Variants in LRMDA observed in about 807,000 individuals in gnomAD.
The protein encoded by LRMDA is leucine rich melanocyte differentiation associated, also known as leucine-rich melanocyte differentiation-associated protein.
In LRMDA, 18 loss-of-function variants were observed where a neutral mutation model predicts 29.8. That is an observed-to-expected ratio of 0.60 (90% CI 0.42 to 0.90). The LOEUF is 0.90. Ranked by LOEUF, LRMDA falls within the 40% of genes least tolerant of loss-of-function variation. LRMDA has a pLI of 0.00. For synonymous variants in LRMDA, 125 were observed against 109.4 expected (o/e 1.14, Z -0.89); for missense variants, 273 against 273.9 (o/e 1.00, Z 0.02).
chr10:75,723,347 AAG>A (rs1331984287), intron 2 of LRMDA, among the ~76,000 whole-genome samples: 1 of 152,264 alleles, frequency 6.6e-6, no homozygotes, highest in African/African-American at 2.4e-5. Flanking sequence ...GTGATGAACC[AAG>A]AAAGTAGACA....
At chr10:75,959,372 G>A (rs1056182015) in intron 2 of LRMDA, among the ~76,000 whole-genome samples, 1 of 152,162 alleles carries the variant, frequency 6.6e-6, no homozygotes, top group African/African-American at 2.4e-5. Context: ...ATGTGTGAAA[G>A]CTTGGAGCCT....
At chr10:76,284,885 G>A (rs951431970) in intron 5 of LRMDA, among the ~76,000 whole-genome samples, 1 of 152,112 alleles carries the variant, frequency 6.6e-6, no homozygotes, top group African/African-American at 2.4e-5. Context: ...ACATGCCTTT[G>A]CTCCTCCTTC....
chr10:75,770,993 G>A (rs17349122), intron 2 of LRMDA, among the ~76,000 whole-genome samples: 9,111 of 152,204 alleles, frequency 0.06, 354 homozygotes, highest in Non-Finnish European at 0.09. Context: ...AGACGTGTCC[G>A]TGGGGAGGTA....
chr10:76,171,043 G>A (rs1850826154), intron 5 of LRMDA, among the ~76,000 whole-genome samples: 1 of 152,312 alleles, frequency 6.6e-6, no homozygotes, highest in East Asian at 1.9e-4. Context: ...ATAGATGGAT[G>A]TGCATTGCTT....
At chr10:75,781,952 G>A (rs535138716) in intron 2 of LRMDA, among the ~76,000 whole-genome samples, 2 of 152,322 alleles carry the variant, frequency 1.3e-5, no homozygotes, top group African/African-American at 4.8e-5. Context: ...ATGGGGAGAA[G>A]GTTCTGGCTG....
intron 2 of LRMDA, among the ~76,000 whole-genome samples, chr10:75,565,803 A>G (rs1840364889): frequency 6.6e-6 from 1 of 152,226 alleles, no homozygotes; most frequent in Non-Finnish European, 1.5e-5. Flanking sequence ...GGCTGGGCAC[A>G]ATGGCTCATG....
intron 2 of LRMDA, among the ~76,000 whole-genome samples, chr10:75,821,771 AAAAC>A (rs71024572): frequency 1.3e-3 from 200 of 149,354 alleles, no homozygotes; most frequent in African/African-American, 4.3e-3. Flanking sequence ...TCCATCTCAA[AAAAC>A]AAACAAACAA....
chr10:76,473,280 T>TA (rs933654748), intron 6 of LRMDA, among the ~76,000 whole-genome samples: 10 of 149,488 alleles, frequency 6.7e-5, no homozygotes, highest in African/African-American at 2.0e-4. Context: ...TCCACACCAT[T>TA]AAAAAAAAAG....
chr10:75,703,962 A>G (rs1001306935), intron 2 of LRMDA, among the ~76,000 whole-genome samples: 1 of 152,230 alleles, frequency 6.6e-6, no homozygotes, highest in Non-Finnish European at 1.5e-5. Context: ...GAGGAATTTC[A>G]GAGAGCCAAG....
chr10:76,427,994 G>A (rs1231667615), intron 6 of LRMDA, among the ~76,000 whole-genome samples: 1 of 152,124 alleles, frequency 6.6e-6, no homozygotes, highest in Non-Finnish European at 1.5e-5. Context: ...TGTGCTCCTG[G>A]ATTCGGTTTG....
chr10:75,618,417 T>C lies in LRMDA; in HGVS notation c.131+179923T>C, dbSNP rs550957283. Among the ~76,000 whole-genome samples, 3 of 146,316 alleles carry C rather than the reference T, an allele frequency of 2.1e-5. No individual in the cohort carries two copies. The East Asian group carries it at 5.9e-4, about 29-fold the overall frequency. Reference sequence around the variant, plus strand: ...ATATATATATATATATCAGACTATATATATATCAACTATATATGTATACCA... The same window carrying C: ...ATATATATATATATATCAGACTATACATATATCAACTATATATGTATACCA... On this transcript the variant is annotated intron_variant, in intron 2 of 6. Coordinates refer to ENST00000611255, the MANE Select transcript of LRMDA (RefSeq NM_001305581.2).
chr10:75,972,623 T>C (rs1390461259), intron 2 of LRMDA, among the ~76,000 whole-genome samples: 2 of 152,162 alleles, frequency 1.3e-5, no homozygotes, highest in Non-Finnish European at 2.9e-5. Flanking sequence ...CTCTGTCATT[T>C]CACTCACACC....
At chr10:75,516,787 C>T (rs564106164) in intron 2 of LRMDA, among the ~76,000 whole-genome samples, 4 of 152,208 alleles carry the variant, frequency 2.6e-5, no homozygotes, top group East Asian at 3.9e-4. Flanking sequence ...TGCCTATGTC[C>T]TGAATGATAC....
chr10:76,230,458 T>G (rs912776245), intron 5 of LRMDA, among the ~76,000 whole-genome samples: 2 of 151,996 alleles, frequency 1.3e-5, no homozygotes, highest in Non-Finnish European at 2.9e-5. Flanking sequence ...AGATGAGATA[T>G]TTATCCTTGG....
chr10:76,057,613 C>A (rs1389972060), intron 4 of LRMDA, among the ~76,000 whole-genome samples: 1 of 152,004 alleles, frequency 6.6e-6, no homozygotes, highest in African/African-American at 2.4e-5. Context: ...TGGAGGTGTA[C>A]AAAAAAACCT....
At chr10:75,553,303 G>C (rs1227183634) in intron 2 of LRMDA, among the ~76,000 whole-genome samples, 1 of 152,174 alleles carries the variant, frequency 6.6e-6, no homozygotes, top group Non-Finnish European at 1.5e-5. Flanking sequence ...GTGGTGGCTT[G>C]CTGCTACCTT....
intron 2 of LRMDA, among the ~76,000 whole-genome samples, chr10:75,707,597 CTG>C (rs1213228074): frequency 7.3e-4 from 111 of 152,318 alleles, no homozygotes; most frequent in Non-Finnish European, 1.3e-3. Flanking sequence ...TTGCCTGGGC[CTG>C]GTCTGCAGTG....
intron 5 of LRMDA, among the ~76,000 whole-genome samples, chr10:76,316,663 C>CG (rs1840703491): frequency 6.6e-6 from 1 of 152,138 alleles, no homozygotes; most frequent in Non-Finnish European, 1.5e-5. Flanking sequence ...TTATAAAATG[C>CG]CTGCATATAA....
chr10:76,007,073 C>G (rs1847684833), intron 2 of LRMDA, among the ~76,000 whole-genome samples: 1 of 150,180 alleles, frequency 6.7e-6, no homozygotes, highest in Admixed American at 6.6e-5. Context: ...CTCTCTGCCC[C>G]CTGGGCCTGC....
Sources: gnomAD v4.1 joint callset for allele counts (sites outside exome capture counted in the v4.1 genomes callset) on GRCh38, gnomAD v4.1.1 for gene constraint, MANE v1.5 for transcripts, NCBI Gene and HGNC (gene_info 2026-07-23, HGNC 2026-07-21) for gene names.